Variants in OSTF1 observed in about 807,000 individuals in gnomAD.
OSTF1 encodes the protein osteoclast stimulating factor 1.
OSTF1 carries 27 observed loss-of-function variants against 37.2 expected under a neutral mutation model. That is an observed-to-expected ratio of 0.73 (90% CI 0.54 to 1.00). OSTF1 has a LOEUF of 1.00. Ranked by LOEUF, OSTF1 falls within the 50% of genes least tolerant of loss-of-function variation. The pLI, the probability that OSTF1 is intolerant of heterozygous loss-of-function variation, is 0.00. For missense variants in OSTF1, 232 were observed against 253.8 expected (o/e 0.91, Z 0.58); for synonymous variants, 82 against 89.2 (o/e 0.92, Z 0.46).
chr9:75,117,417 G>A (rs544566011), intron 1 of OSTF1, 87 bp from the exon 2 acceptor site: 4 of 870,652 alleles, frequency 4.6e-6, no homozygotes, highest in African/African-American at 3.4e-5. Context: ...TTTTAATTAG[G>A]GAATTCTGAA....
chr9:75,091,388 A>G (rs976440301), intron 1 of OSTF1, among the ~76,000 whole-genome samples: 2 of 152,064 alleles, frequency 1.3e-5, no homozygotes, highest in Non-Finnish European at 2.9e-5. Context: ...ACCATTTGCT[A>G]TTCTGCCTTA....
intron 1 of OSTF1, among the ~76,000 whole-genome samples, chr9:75,094,402 G>A (rs1463340533): frequency 6.6e-6 from 1 of 151,704 alleles, no homozygotes; most frequent in Non-Finnish European, 1.5e-5. Flanking sequence ...AAGAAGGTGG[G>A]GGTGGACTCA....
At chr9:75,127,875 C>T (rs1213661157) in intron 3 of OSTF1, among the ~76,000 whole-genome samples, 1 of 151,368 alleles carries the variant, frequency 6.6e-6, no homozygotes, top group African/African-American at 2.4e-5. Context: ...TCTCTATATG[C>T]TATTATGAAG....
intron 5 of OSTF1, among the ~76,000 whole-genome samples, 184 bp downstream of exon 5, chr9:75,132,007 C>A (rs1032300188): frequency 2.6e-5 from 4 of 152,230 alleles, no homozygotes; most frequent in African/African-American, 7.2e-5. Context: ...TCTGTCCCAA[C>A]ATCTACTACC....
intron 2 of OSTF1, among the ~76,000 whole-genome samples, chr9:75,120,514 G>A (rs1339157340): frequency 6.6e-6 from 1 of 152,160 alleles, no homozygotes; most frequent in African/African-American, 2.4e-5. Flanking sequence ...CATTTACTTT[G>A]TTTTGAGACT....
In OSTF1 at chr9:75,088,649, G is replaced by A. The variant is rs778775266; in HGVS notation, c.-44G>A. ...GTGCCAGGTGGCGGGCAAGCGGTGG[G>A]CTTTTCGGCGGGGTCTTTAGGATTT... On this transcript the variant is annotated 5_prime_UTR_variant, in exon 1 of 10. Transcript: ENST00000346234. The A allele has an allele frequency of 5.0e-5, 79 of 1,594,570 alleles. No individual in the cohort carries two copies. The highest frequency in any genetic ancestry group is 6.6e-5 in the Non-Finnish European group (77 of 1,169,960).
At chr9:75,102,828 CA>C (rs1825217366) in intron 1 of OSTF1, among the ~76,000 whole-genome samples, 1 of 152,230 alleles carries the variant, frequency 6.6e-6, no homozygotes, top group South Asian at 2.1e-4. Flanking sequence ...TCACCTCCCA[CA>C]ATAGCCTGCG....
intron 1 of OSTF1, 104 bp from the exon 2 acceptor site, chr9:75,117,400 C>T (rs1000645108): frequency 2.0e-4 from 151 of 749,550 alleles, no homozygotes; most frequent in Middle Eastern, 1.0e-3. Context: ...TACTTGATCA[C>T]ATGGGTTTTT....
chr9:75,131,705 T>G, intron 4 of OSTF1, 65 bp from the exon 5 acceptor site: 1 of 1,200,154 alleles, frequency 8.3e-7, no homozygotes. Context: ...GGTGAATGAG[T>G]GGCTTCAGTA....
At chr9:75,121,878 C>T (rs1327401923) in intron 2 of OSTF1, among the ~76,000 whole-genome samples, 4 of 152,142 alleles carry the variant, frequency 2.6e-5, no homozygotes, top group Admixed American at 2.6e-4. Context: ...GTGCAGCTCC[C>T]CAGGCAGGCC....
chr9:75,144,607 G>A (rs1357501423), intron 9 of OSTF1, among the ~76,000 whole-genome samples: 3 of 151,982 alleles, frequency 2.0e-5, no homozygotes, highest in East Asian at 1.9e-4. Flanking sequence ...AAGATAAATC[G>A]GCTTCCACCT....
intron 1 of OSTF1, among the ~76,000 whole-genome samples, chr9:75,112,339 C>T (rs575273929): frequency 5.9e-5 from 9 of 152,214 alleles, no homozygotes; most frequent in Middle Eastern, 3.4e-3. Context: ...TCATAAAAGT[C>T]ATCTGTGTTT....
chr9:75,133,940 A>G (rs745948324), intron 6 of OSTF1, among the ~76,000 whole-genome samples: 6 of 152,210 alleles, frequency 3.9e-5, no homozygotes, highest in Non-Finnish European at 8.8e-5. Context: ...ACCTCTCTCT[A>G]TAACAAAAGA....
chr9:75,119,860 A>G (rs1481276296), intron 2 of OSTF1, among the ~76,000 whole-genome samples: 2 of 152,150 alleles, frequency 1.3e-5, no homozygotes, highest in Non-Finnish European at 2.9e-5. Flanking sequence ...GCTACTCGGG[A>G]GACCGAGGCA....
At chr9:75,139,055 T>TTTC (rs1005371590) in intron 8 of OSTF1, among the ~76,000 whole-genome samples, 4 of 137,238 alleles carry the variant, frequency 2.9e-5, no homozygotes, top group Non-Finnish European at 3.1e-5. Flanking sequence ...TCTTTCTTTC[T>TTTC]TTTTTTTTTG....
intron 1 of OSTF1, among the ~76,000 whole-genome samples, chr9:75,092,199 A>G (rs867931487): frequency 6.6e-6 from 1 of 152,354 alleles, no homozygotes. Context: ...TGATCAGCAC[A>G]TCCCCAACAG....
chr9:75,115,182 C>T (rs753347077), intron 1 of OSTF1, among the ~76,000 whole-genome samples: 8 of 152,110 alleles, frequency 5.3e-5, no homozygotes, highest in South Asian at 2.1e-4. Flanking sequence ...GTAGTCTTCC[C>T]GTATCCCACC....
At chr9:75,128,383 T>TTTTTTTTTGTCC (rs1274162817) in intron 3 of OSTF1, among the ~76,000 whole-genome samples, 4 of 91,618 alleles carry the variant, frequency 4.4e-5, no homozygotes, top group African/African-American at 9.4e-5. Context: ...TATATATATA[T>TTTTTTTTTGTCC]ATATATATAT....
Position 75,117,505 on chromosome 9 carries a change from G to T in OSTF1, c.36G>T (p.Gly12=), listed in dbSNP as rs762908054. The change falls in exon 2 of 10, where the codon GGG becomes GGT. Residue 12 remains glycine, a splice_region_variant and synonymous_variant. Transcript: ENST00000346234. ...TGTTGTTTTTTCTTCCTTTTTTAGG[G>T]CAAGTTAAAGTCTTCAGAGCCCTGT... ...SKPPPKPVKP[G]QVKVFRALYT... 39 of 1,608,246 alleles carry T rather than the reference G, an allele frequency of 2.4e-5. No homozygotes were observed. In the South Asian group the frequency reaches 4.0e-4, roughly 16 times the overall value.
Sources: gnomAD v4.1 joint callset for allele counts (sites outside exome capture counted in the v4.1 genomes callset) on GRCh38, gnomAD v4.1.1 for gene constraint, MANE v1.5 for transcripts, NCBI Gene and HGNC (gene_info 2026-07-23, HGNC 2026-07-21) for gene names.